Variants in ACAP2 observed in about 807,000 individuals in gnomAD.
The protein encoded by ACAP2 is arf-GAP with coiled-coil, ANK repeat and PH domain-containing protein 2.
Under a neutral mutation model 115.8 loss-of-function variants are expected in ACAP2, and 39 were observed. That is an observed-to-expected ratio of 0.34 (90% confidence interval 0.26 to 0.44). The LOEUF is 0.44. ACAP2 is among the 20% of genes least tolerant of loss of function. The pLI is 1.00. For missense variants in ACAP2, 662 were observed against 927.6 expected (o/e 0.71, Z 3.72); for synonymous variants, 289 against 315.8 (o/e 0.92, Z 0.90).
Position 195,301,948 on chromosome 3 carries a change from C to G in ACAP2, c.1325+18G>C. On this transcript the variant is annotated intron_variant, in intron 14 of 22. Transcript: ENST00000326793. ...TTATCCAAAAGAAGAAATTCTCATC[C>G]TGGGCAGGCCTACCCACCGGTGAAT... is the stretch of plus-strand genomic sequence containing the variant. 2 of 1,603,546 alleles carry G rather than the reference C, an allele frequency of 1.2e-6. No individual in the cohort carries two copies. The highest frequency in any genetic ancestry group is 1.7e-6 in the Non-Finnish European group (2 of 1,175,154).
chr3:195,373,095 A>T (rs1247116641), intron 4 of ACAP2, among the ~76,000 whole-genome samples: 1 of 151,834 alleles, frequency 6.6e-6, no homozygotes, highest in South Asian at 2.1e-4. Flanking sequence ...TTGCATACTG[A>T]TAGTGTAGCT....
chr3:195,409,039 T>C (rs1713026125), intron 1 of ACAP2, among the ~76,000 whole-genome samples: 1 of 151,834 alleles, frequency 6.6e-6, no homozygotes, highest in Non-Finnish European at 1.5e-5. Flanking sequence ...GCAAGGATGC[T>C]GCTTTCAACA....
chr3:195,295,558 A>G, intron 17 of ACAP2, 150 bp downstream of exon 17: 1 of 820,462 alleles, frequency 1.2e-6, no homozygotes, highest in Non-Finnish European at 1.9e-6. Flanking sequence ...ACTATTTTAA[A>G]GACACAGAAA....
chr3:195,328,101 G>A (rs1237624439), intron 8 of ACAP2, among the ~76,000 whole-genome samples: 34 of 151,968 alleles, frequency 2.2e-4, no homozygotes, highest in Non-Finnish European at 1.0e-4. Flanking sequence ...ACAATAATTG[G>A]GTTATACATT....
At chr3:195,361,887 A>G (rs1400895995) in intron 4 of ACAP2, among the ~76,000 whole-genome samples, 1 of 152,232 alleles carries the variant, frequency 6.6e-6, no homozygotes, top group Non-Finnish European at 1.5e-5. Flanking sequence ...GCTACTATGA[A>G]CAACTATGCA....
intron 4 of ACAP2, among the ~76,000 whole-genome samples, chr3:195,349,506 A>G (rs1252524822): frequency 1.3e-5 from 2 of 152,082 alleles, no homozygotes; most frequent in African/African-American, 2.4e-5. Context: ...AAAAAAAGCC[A>G]TTTATAATAA....
At chr3:195,381,199 A>C in intron 3 of ACAP2, 137 bp from the exon 4 acceptor site, 12 of 653,028 alleles carry the variant, frequency 1.8e-5, no homozygotes, top group Non-Finnish European at 2.7e-5. Context: ...TGACAATCTC[A>C]CACTACCTTA....
At chr3:195,385,824 AAAT>A (rs1415033568) in intron 2 of ACAP2, among the ~76,000 whole-genome samples, 1 of 152,224 alleles carries the variant, frequency 6.6e-6, no homozygotes, top group African/African-American at 2.4e-5. Flanking sequence ...GATACGGGAC[AAAT>A]AATATAGATG....
In ACAP2 at chr3:195,289,167, G is replaced by A. The variant is rs944651047; in HGVS notation, c.2128C>T (p.Pro710Ser). The change falls in exon 21 of 23, where the codon CCT (proline) becomes TCT (serine). Residue 710 changes from proline (P) to serine (S), a missense_variant. By Grantham distance (74) the Pro-to-Ser change is moderately conservative. This residue lies in a region of ACAP2 where 128 missense variants were observed against 200.2 expected (regional missense o/e 0.64). Transcript: ENST00000326793. The stretch of plus-strand genomic sequence containing the variant: ...GCTGCTTCCACAGCTATGCTCAAAG[G>A]GTCTTTCCCTTCTTCATCAGTGGCA... Reference protein sequence around the residue: ...QHATDEEGKDPLSIAVEAANA... With the variant: ...QHATDEEGKDSLSIAVEAANA... The A allele has an allele frequency of 3.1e-6, 5 of 1,613,232 alleles. 1 individual carries two copies. In the South Asian group the frequency reaches 3.3e-5, roughly 11 times the overall value.
At chr3:195,329,899 C>T (rs1287891136) in intron 8 of ACAP2, among the ~76,000 whole-genome samples, 1 of 152,114 alleles carries the variant, frequency 6.6e-6, no homozygotes. Context: ...TTTAGTCTTT[C>T]TTATGTCCCC....
chr3:195,412,969 A>T (rs1713413418), intron 1 of ACAP2: 1 of 438,372 alleles, frequency 2.3e-6, no homozygotes. Context: ...TATACATGTA[A>T]GGTATTACAA....
intron 2 of ACAP2, among the ~76,000 whole-genome samples, chr3:195,391,065 T>C (rs185430062): frequency 5.4e-4 from 82 of 152,318 alleles, no homozygotes; most frequent in Middle Eastern, 3.4e-3. Context: ...TAAGTATTTC[T>C]GGTATTAGCT....
chr3:195,381,986 T>C lies in ACAP2; in HGVS notation c.148A>G (p.Lys50Glu), dbSNP rs1258898233. Residue 50 changes from lysine to glutamate, a missense_variant, in exon 3 of 23, where the codon AAA becomes GAA. By Grantham distance (56) the Lys-to-Glu change is moderately conservative. Coordinates refer to ENST00000326793, the MANE Select transcript of ACAP2 (RefSeq NM_012287.6). ...TGTTTATTTGCAACACAAAAGGCTT[T>C]TCCAGTATCAATCATTGCAATACAA... ...KLCIAMIDTGKAFCVANKQFM... is the reference protein window; with the variant it reads ...KLCIAMIDTGEAFCVANKQFM... The C allele has an allele frequency of 3.7e-6, 6 of 1,611,662 alleles. No individual in the cohort carries two copies. Among genetic ancestry groups the C allele is most frequent in the Non-Finnish European group, 5.1e-6 (6 of 1,179,262 alleles).
intron 8 of ACAP2, among the ~76,000 whole-genome samples, chr3:195,331,113 T>C (rs1289757875): frequency 6.6e-6 from 1 of 152,158 alleles, no homozygotes. Context: ...ACACAAGGTA[T>C]TTAGCACAGA....
At chr3:195,335,937 G>C (rs1577319300) in intron 7 of ACAP2, 1 of 103,828 alleles carries the variant, frequency 9.6e-6, no homozygotes, top group East Asian at 3.1e-4. Context: ...TTTCACTCTT[G>C]TCACCTAGGC....
intron 2 of ACAP2, among the ~76,000 whole-genome samples, chr3:195,385,791 C>T (rs1338849493): frequency 6.6e-6 from 1 of 152,126 alleles, no homozygotes; most frequent in Non-Finnish European, 1.5e-5. Context: ...TGTGTAACTT[C>T]CCCTGTAGGG....
At chr3:195,407,550 T>C (rs746242515) in intron 1 of ACAP2, among the ~76,000 whole-genome samples, 1 of 151,648 alleles carries the variant, frequency 6.6e-6, no homozygotes, top group African/African-American at 2.4e-5. Context: ...CTACAAAAAA[T>C]ACAAAAATTA....
At chr3:195,304,797 G>T (rs377760134) in intron 13 of ACAP2, among the ~76,000 whole-genome samples, 2 of 152,182 alleles carry the variant, frequency 1.3e-5, no homozygotes, top group Non-Finnish European at 2.9e-5. Flanking sequence ...CTCAACAAAT[G>T]GTCCAGACTT....
At chr3:195,303,031 C>T (rs1305357031) in intron 13 of ACAP2, among the ~76,000 whole-genome samples, 2 of 152,076 alleles carry the variant, frequency 1.3e-5, no homozygotes, top group Non-Finnish European at 2.9e-5. Flanking sequence ...CTGGCCAACA[C>T]AGTGAAACCC....
Sources: gnomAD v4.1 joint callset for allele counts (sites outside exome capture counted in the v4.1 genomes callset) on GRCh38, gnomAD v4.1.1 for gene constraint, gnomAD v4.1.1 regional missense constraint, MANE v1.5 for transcripts, NCBI Gene and HGNC (gene_info 2026-07-23, HGNC 2026-07-21) for gene names.